SDK1: variants seen among roughly 807,000 people sequenced by gnomAD.
SDK1 encodes the protein sidekick cell adhesion molecule 1.
In SDK1, 157 loss-of-function variants were observed where a neutral mutation model predicts 245.5. The observed-to-expected ratio is 0.64, with a 90% confidence interval of 0.56 to 0.73. The LOEUF (loss-of-function observed/expected upper bound fraction) is 0.73, where lower values mean the gene tolerates loss of function less well. Among genes scored for constraint, SDK1 ranks in the 30% least tolerant of loss-of-function variants. The probability of loss-of-function intolerance (pLI) is 0.00; values close to 1 mark genes in which losing one functional copy is unlikely to be tolerated. For missense variants in SDK1, 3,583 were observed against 3,002.3 expected (o/e 1.19, Z -4.52); for synonymous variants, 1,647 against 1,278.5 (o/e 1.29, Z -6.15).
intron 1 of SDK1, among the ~76,000 whole-genome samples, chr7:3,436,325 T>TA (rs1780020890): frequency 6.6e-6 from 1 of 152,180 alleles, no homozygotes; most frequent in Non-Finnish European, 1.5e-5. Flanking sequence ...AATAATTGAT[T>TA]AAAAAGTGTG....
In SDK1 at chr7:3,951,677, T is replaced by C. The variant is rs576861719; in HGVS notation, c.960-53T>C. On this transcript the variant is annotated intron_variant, in intron 6 of 44. Coordinates refer to ENST00000404826, the MANE Select transcript of SDK1 (RefSeq NM_152744.4). ...TGCCGAGTGCCTGAGATGATGACCGTTGCCACCTCCCTGAGTCACAATCGT... is the reference window on the plus strand; with the variant it reads ...TGCCGAGTGCCTGAGATGATGACCGCTGCCACCTCCCTGAGTCACAATCGT... 20 of 1,543,706 alleles carry C rather than the reference T, an allele frequency of 1.3e-5. No individual in the cohort carries two copies. The South Asian group carries it at 1.7e-4, about 13-fold the overall frequency.
At chr7:3,462,322 TTC>T (rs377166407) in intron 1 of SDK1, among the ~76,000 whole-genome samples, 38 of 152,236 alleles carry the variant, frequency 2.5e-4, no homozygotes, top group African/African-American at 8.7e-4. Flanking sequence ...CTCAATATCT[TTC>T]TCTCTTCCCC....
At chr7:4,133,639 C>T (rs1562861162) in intron 28 of SDK1, among the ~76,000 whole-genome samples, 4 of 152,166 alleles carry the variant, frequency 2.6e-5, no homozygotes, top group Admixed American at 2.6e-4. Flanking sequence ...CCTTTGGGAG[C>T]ACTGACAGCT....
chr7:3,641,104 C>T (rs1782635417), intron 3 of SDK1, among the ~76,000 whole-genome samples: 1 of 152,116 alleles, frequency 6.6e-6, no homozygotes, highest in African/African-American at 2.4e-5. Context: ...TCTTTTCCCT[C>T]AAGTATTAGA....
chr7:3,901,345 C>G (rs1781784212), intron 5 of SDK1, among the ~76,000 whole-genome samples: 1 of 152,180 alleles, frequency 6.6e-6, no homozygotes, highest in Non-Finnish European at 1.5e-5. Flanking sequence ...TGCCACCACG[C>G]CCGGTTAATT....
intron 22 of SDK1, among the ~76,000 whole-genome samples, chr7:4,107,174 G>A (rs10255321): frequency 0.51 from 70,539 of 137,000 alleles, 19,819 homozygotes; most frequent in African/African-American, 0.71. Flanking sequence ...GGCTGCAGGG[G>A]CCAACCAGAG....
chr7:3,304,771 C>A (rs1455768032), intron 1 of SDK1, among the ~76,000 whole-genome samples: 1 of 152,192 alleles, frequency 6.6e-6, no homozygotes, highest in Non-Finnish European at 1.5e-5. Flanking sequence ...CAGACACCTG[C>A]TGACTTCCTG....
intron 1 of SDK1, among the ~76,000 whole-genome samples, chr7:3,500,937 C>T (rs1380499065): frequency 1.3e-5 from 2 of 151,764 alleles, no homozygotes; most frequent in Non-Finnish European, 2.9e-5. Flanking sequence ...GCATCCTATT[C>T]TTATTTAATA....
chr7:3,875,488 G>A (rs1214489510), intron 5 of SDK1, among the ~76,000 whole-genome samples: 1 of 152,242 alleles, frequency 6.6e-6, no homozygotes, highest in East Asian at 1.9e-4. Context: ...GGCTCTCGGA[G>A]CGAGTTTTTG....
chr7:3,658,216 A>C (rs977351799), intron 4 of SDK1, among the ~76,000 whole-genome samples: 2 of 152,170 alleles, frequency 1.3e-5, no homozygotes, highest in African/African-American at 4.8e-5. Context: ...CATAGCCGTG[A>C]GGTGGAATCA....
chr7:3,559,373 C>T (rs1779680241), intron 1 of SDK1, among the ~76,000 whole-genome samples: 2 of 152,046 alleles, frequency 1.3e-5, no homozygotes, highest in Non-Finnish European at 2.9e-5. Context: ...TTATGAAGAC[C>T]TTTGTGGACT....
intron 5 of SDK1, among the ~76,000 whole-genome samples, chr7:3,877,586 G>A (rs548314451): frequency 6.6e-6 from 1 of 152,074 alleles, no homozygotes; most frequent in South Asian, 2.1e-4. Context: ...TTTAACTTTG[G>A]TTATAAAAGT....
At chr7:3,809,708 C>T (rs565516117) in intron 4 of SDK1, among the ~76,000 whole-genome samples, 1 of 152,310 alleles carries the variant, frequency 6.6e-6, no homozygotes, top group East Asian at 1.9e-4. Flanking sequence ...GCGGCTGCTG[C>T]GTATGCTTGG....
Position 4,174,342 on chromosome 7 carries a change from C to A in SDK1, c.4921C>A (p.His1641Asn), listed in dbSNP as rs570574978. The change falls in exon 33 of 45, where the codon CAT (histidine) becomes AAT (asparagine). Residue 1641 changes from histidine (H) to asparagine (N), a missense_variant. Transcript: ENST00000404826. ...AKTLKNPIAL[H>N]AELTAQSSFK... ...GACGCTCAAAAACCCTATAGCTTTA[C>A]ATGCTGAGCTCACAGGTGAGACTGT... 2 of 1,613,868 alleles carry A rather than the reference C, an allele frequency of 1.2e-6. No homozygotes were observed. The highest frequency in any genetic ancestry group is 1.7e-6 in the Non-Finnish European group (2 of 1,179,762).
At chr7:4,005,679 G>T (rs956556066) in intron 14 of SDK1, among the ~76,000 whole-genome samples, 1 of 152,050 alleles carries the variant, frequency 6.6e-6, no homozygotes, top group Non-Finnish European at 1.5e-5. Context: ...ACTTCCAGGC[G>T]GCAAACTGCC....
At chr7:4,012,312 A>G in intron 16 of SDK1, 77 bp downstream of exon 16, 2 of 1,392,434 alleles carry the variant, frequency 1.4e-6, no homozygotes, top group Non-Finnish European at 1.9e-6. Context: ...TGCAAACTCT[A>G]ATGTCTGTAA....
chr7:3,712,619 T>C (rs959876241), intron 4 of SDK1, among the ~76,000 whole-genome samples: 2 of 152,134 alleles, frequency 1.3e-5, no homozygotes, highest in Non-Finnish European at 2.9e-5. Context: ...TATAACGATA[T>C]TGTCATGTTG....
intron 1 of SDK1, among the ~76,000 whole-genome samples, chr7:3,399,188 G>T (rs1778815354): frequency 6.6e-6 from 1 of 151,730 alleles, no homozygotes; most frequent in South Asian, 2.1e-4. Context: ...TAATCTCAAT[G>T]TATCTTTGAA....
intron 10 of SDK1, 44 bp downstream of exon 10, chr7:3,967,478 C>A: frequency 1.7e-6 from 2 of 1,198,540 alleles, no homozygotes; most frequent in Non-Finnish European, 2.5e-6. Flanking sequence ...CCATGTAGAA[C>A]ATAACCTATC....
Sources: gnomAD v4.1 joint callset for allele counts (sites outside exome capture counted in the v4.1 genomes callset) on GRCh38, gnomAD v4.1.1 for gene constraint, MANE v1.5 for transcripts, NCBI Gene and HGNC (gene_info 2026-07-23, HGNC 2026-07-21) for gene names.